Variants in ANO3 observed in about 807,000 individuals in gnomAD.
ANO3 encodes anoctamin-3.
A neutral mutation model predicts 144.8 loss-of-function variants in ANO3; 99 were observed. That is an observed-to-expected ratio of 0.68 (90% CI 0.58 to 0.81). ANO3 has a LOEUF of 0.81. Among genes scored for constraint, ANO3 ranks in the 30% least tolerant of loss-of-function variants. The pLI is 0.00. For synonymous variants in ANO3, 414 were observed against 392.6 expected, an observed-to-expected ratio of 1.05 and a Z score of -0.64; for missense variants, 905 against 1,202.2, an observed-to-expected ratio of 0.75 and a Z score of 3.66.
rs1297461191 is a variant in ANO3 at position 26,547,446 on chromosome 11, C to T, written c.1185C>T (p.Tyr395=). The T allele has an allele frequency of 1.9e-6, 3 of 1,611,850 alleles. No individual in the cohort carries two copies. The African/African-American group carries it at 4.0e-5, about 22-fold the overall frequency. Reference sequence around the variant, plus strand: ...ACTTTGGTGAGAAGATTGGACTATACTTTGCTTGGCTGGGATGGTATACTG... The same window carrying T: ...ACTTTGGTGAGAAGATTGGACTATATTTTGCTTGGCTGGGATGGTATACTG... The part of the protein sequence containing the change: ...RLYFGEKIGL[Y]FAWLGWYTGM... The change falls in exon 12 of 27, where the codon TAC becomes TAT. Residue 395 remains tyrosine (Y), a synonymous_variant. Transcript: ENST00000256737.
intron 4 of ANO3, among the ~76,000 whole-genome samples, chr11:26,490,145 G>A (rs1860643790): frequency 6.6e-6 from 1 of 152,056 alleles, no homozygotes; most frequent in African/African-American, 2.4e-5. Flanking sequence ...AATCATGGGG[G>A]CTGGTTTTTC....
At chr11:26,513,760 G>C (rs944641349) in intron 5 of ANO3, among the ~76,000 whole-genome samples, 6 of 152,096 alleles carry the variant, frequency 3.9e-5, no homozygotes, top group Non-Finnish European at 8.8e-5. Flanking sequence ...GAATACAAAT[G>C]ATCAGTGTGT....
At chr11:26,407,066 G>GTATATATATATATATATATATA in intron 1 of ANO3, among the ~76,000 whole-genome samples, 1 of 57,182 alleles carries the variant, frequency 1.7e-5, no homozygotes, top group Non-Finnish European at 4.6e-5. Flanking sequence ...GTGTGTGTGT[G>GTATATATATATATATATATATA]TGTGTGTGTG....
chr11:26,326,131 T>C (rs540778083), intron 1 of ANO3, among the ~76,000 whole-genome samples: 1 of 152,336 alleles, frequency 6.6e-6, no homozygotes, highest in East Asian at 1.9e-4. Context: ...TCAAGTAATT[T>C]AAACATAGTT....
chr11:26,256,289 GGA>G (rs1853055187), intron 1 of ANO3, among the ~76,000 whole-genome samples: 1 of 152,074 alleles, frequency 6.6e-6, no homozygotes, highest in Non-Finnish European at 1.5e-5. Flanking sequence ...GACTGAAACT[GGA>G]GTTTCCTGCT....
chr11:26,378,552 T>A (rs1856482281), intron 1 of ANO3, among the ~76,000 whole-genome samples: 1 of 151,686 alleles, frequency 6.6e-6, no homozygotes, highest in Non-Finnish European at 1.5e-5. Flanking sequence ...GGAGAAAATT[T>A]AAAAAATTAA....
chr11:26,660,816 T>G lies in ANO3; in HGVS notation c.*372T>G, dbSNP rs1853856656. On this transcript the variant is annotated 3_prime_UTR_variant, in exon 27 of 27. Transcript: ENST00000256737. Reference sequence around the variant, plus strand: ...TAAATGTGCACAAGCCAGGCATGGCTTAAAATATCATGCAGTCTTCACTCA... The same window carrying G: ...TAAATGTGCACAAGCCAGGCATGGCGTAAAATATCATGCAGTCTTCACTCA... 5.5e-6 allele frequency: 1 copy of G among 182,000 alleles called. No homozygotes were observed. 11.3% of individuals were successfully genotyped at this position (182,000 alleles called of 1,614,324 possible). A position where few individuals can be genotyped will look rare whatever the true frequency, so the allele number is the denominator to read the frequency against.
chr11:26,597,002 G>A (rs1851649782), intron 14 of ANO3, among the ~76,000 whole-genome samples: 1 of 152,220 alleles, frequency 6.6e-6, no homozygotes, highest in Non-Finnish European at 1.5e-5. Flanking sequence ...CCTCACACCT[G>A]AGTCCAGCAG....
chr11:26,565,990 A>G, intron 14 of ANO3: 1 of 1,215,912 alleles, frequency 8.2e-7, no homozygotes, highest in Middle Eastern at 2.9e-4. Context: ...AAATCTAGAC[A>G]TAATATAGAG....
chr11:26,509,528 G>A (rs141067174), intron 5 of ANO3, among the ~76,000 whole-genome samples: 3,352 of 152,106 alleles, frequency 0.022, 62 homozygotes, highest in Non-Finnish European at 0.035. Flanking sequence ...GGCCAGGCTG[G>A]TCTTGAACTT....
At chr11:26,227,893 G>A (rs998811285) in intron 1 of ANO3, among the ~76,000 whole-genome samples, 1 of 152,096 alleles carries the variant, frequency 6.6e-6, no homozygotes, top group African/African-American at 2.4e-5. Flanking sequence ...TACAAGCAAT[G>A]TTGTGGTCAG....
intron 26 of ANO3, among the ~76,000 whole-genome samples, chr11:26,659,143 G>A (rs1404277091): frequency 1.3e-5 from 2 of 149,134 alleles, no homozygotes; most frequent in Non-Finnish European, 3.0e-5. Flanking sequence ...TGTATATTGT[G>A]TATGTGTATT....
intron 1 of ANO3, among the ~76,000 whole-genome samples, chr11:26,411,467 T>C (rs1170780179): frequency 1.3e-5 from 2 of 151,980 alleles, no homozygotes; most frequent in Non-Finnish European, 2.9e-5. Context: ...TTAGATAGTA[T>C]AGAAGTAAAC....
At chr11:26,425,473 GTAAAACAAT>G (rs377251079) in intron 1 of ANO3, among the ~76,000 whole-genome samples, 9 of 151,948 alleles carry the variant, frequency 5.9e-5, no homozygotes, top group African/African-American at 2.2e-4. Flanking sequence ...AATTATATAG[GTAAAACAAT>G]TGAAACAAAC....
intron 20 of ANO3, among the ~76,000 whole-genome samples, chr11:26,637,284 A>G (rs1469994813): frequency 6.6e-6 from 1 of 152,180 alleles, no homozygotes; most frequent in African/African-American, 2.4e-5. Context: ...TAGCGAACCA[A>G]TCACATGATC....
chr11:26,583,647 A>G lies in ANO3; in HGVS notation c.1448-14718A>G, dbSNP rs560459921. Among the ~76,000 whole-genome samples the G allele has an allele frequency of 2.0e-4, 31 of 152,350 alleles. No individual in the cohort carries two copies. In the South Asian group the frequency reaches 6.2e-3, roughly 31 times the overall value. On this transcript the variant is annotated intron_variant, in intron 14 of 26. Transcript: ENST00000256737. ...TTTTCCCCAGGCATGGAGATGTACA[A>G]TGTCCCATATTCATGGCACTTTTGC...
intron 1 of ANO3, among the ~76,000 whole-genome samples, chr11:26,344,461 G>A (rs1237272747): frequency 2.6e-5 from 4 of 151,494 alleles, no homozygotes; most frequent in African/African-American, 9.7e-5. Context: ...TGCCTCCCGG[G>A]TTCACGTCAT....
intron 1 of ANO3, among the ~76,000 whole-genome samples, chr11:26,318,216 C>A (rs1222032833): frequency 6.6e-6 from 1 of 152,212 alleles, no homozygotes; most frequent in Non-Finnish European, 1.5e-5. Context: ...ATGTAACAAA[C>A]CTGCATGTTC....
intron 24 of ANO3, among the ~76,000 whole-genome samples, chr11:26,649,889 G>A (rs117085410): frequency 0.015 from 2,347 of 152,270 alleles, 156 homozygotes; most frequent in Admixed American, 0.13. Flanking sequence ...TAATCTAGAA[G>A]CAGATGTTAA....
Sources: gnomAD v4.1 joint callset for allele counts (sites outside exome capture counted in the v4.1 genomes callset) on GRCh38, gnomAD v4.1.1 for gene constraint, MANE v1.5 for transcripts, NCBI Gene and HGNC (gene_info 2026-07-23, HGNC 2026-07-21) for gene names.